The following LHFPL3 variants were observed in gnomAD, a reference collection of about 807,000 sequenced individuals.
LHFPL3 encodes the protein LHFPL tetraspan subfamily member 3, also known as LHFPL tetraspan subfamily member 3 protein.
A neutral mutation model predicts 19.3 loss-of-function variants in LHFPL3; 5 were observed. That is an observed-to-expected ratio of 0.26 (90% CI 0.14 to 0.54). The LOEUF is 0.54. Ranked by LOEUF, LHFPL3 falls within the 20% of genes least tolerant of loss-of-function variation. LHFPL3 has a pLI of 0.94. For synonymous variants in LHFPL3, 133 were observed against 126.2 expected (o/e 1.05, Z -0.36); for missense variants, 249 against 307.4 (o/e 0.81, Z 1.42).
At chr7:104,873,014 T>C (rs1033918064) in intron 2 of LHFPL3, among the ~76,000 whole-genome samples, 1 of 152,256 alleles carries the variant, frequency 6.6e-6, no homozygotes, top group Non-Finnish European at 1.5e-5. Context: ...GGAGGTAATG[T>C]GTTGTGCTAA....
chr7:104,352,384 A>G (rs1228928830), intron 1 of LHFPL3, among the ~76,000 whole-genome samples: 4 of 152,190 alleles, frequency 2.6e-5, no homozygotes, highest in Non-Finnish European at 2.9e-5. Context: ...AGTATGTAAT[A>G]AGAACTTCAT....
In LHFPL3 at chr7:104,329,208, G is replaced by C; in HGVS notation, c.429G>C (p.Trp143Cys). 6.2e-7 allele frequency: 1 copy of C among 1,608,328 alleles called. No individual in the cohort carries two copies. Among genetic ancestry groups the C allele is most frequent in the Non-Finnish European group, 8.5e-7 (1 of 1,175,630 alleles). The part of the protein sequence containing the change: ...NTATVYKICA[W>C]MQLTSAACLV... ...CCACTGTGTACAAGATATGTGCCTG[G>C]ATGCAGCTCACCTCCGGTGAGTGCG... Residue 143 changes from tryptophan to cysteine, a missense_variant, in exon 1 of 3, where the codon TGG becomes TGC. Physicochemically the swap from Trp to Cys is radical, Grantham distance 215. Coordinates refer to ENST00000424859, the MANE Select transcript of LHFPL3 (RefSeq NM_199000.3).
At chr7:104,444,781 G>A (rs1792295719) in intron 1 of LHFPL3, among the ~76,000 whole-genome samples, 1 of 152,098 alleles carries the variant, frequency 6.6e-6, no homozygotes, top group African/African-American at 2.4e-5. Context: ...CTGAGGTCGG[G>A]AGTTCGAGAC....
intron 1 of LHFPL3, among the ~76,000 whole-genome samples, chr7:104,580,646 C>A (rs1790442867): frequency 6.6e-6 from 1 of 152,036 alleles, no homozygotes; most frequent in African/African-American, 2.4e-5. Flanking sequence ...ACTCAAACAT[C>A]TATAAAGATA....
chr7:104,338,093 C>CTTTTTTTTTTTTTTTTTTT (rs71296520), intron 1 of LHFPL3, among the ~76,000 whole-genome samples: 1 of 85,846 alleles, frequency 1.2e-5, no homozygotes, highest in African/African-American at 4.7e-5. Context: ...TTTCCTTTTT[C>CTTTTTTTTTTTTTTTTTTT]TTTTTTTTTT....
intron 1 of LHFPL3, among the ~76,000 whole-genome samples, chr7:104,665,911 C>T (rs932590415): frequency 6.6e-6 from 1 of 152,102 alleles, no homozygotes; most frequent in African/African-American, 2.4e-5. Flanking sequence ...TCTTCTGTCT[C>T]TTACTACGCA....
intron 1 of LHFPL3, among the ~76,000 whole-genome samples, chr7:104,337,104 A>G (rs1228647211): frequency 6.6e-6 from 1 of 152,108 alleles, no homozygotes; most frequent in Admixed American, 6.6e-5. Flanking sequence ...GTTTCAGGGC[A>G]GATCAAGAGT....
At chr7:104,752,585 G>A (rs1473265694) in intron 2 of LHFPL3, 3 of 259,064 alleles carry the variant, frequency 1.2e-5, no homozygotes, top group Non-Finnish European at 2.1e-5. Flanking sequence ...TAGATTTTTT[G>A]TAGATACTTT....
chr7:104,770,660 G>C (rs1171419696), intron 2 of LHFPL3, among the ~76,000 whole-genome samples: 1 of 152,086 alleles, frequency 6.6e-6, no homozygotes, highest in Non-Finnish European at 1.5e-5. Flanking sequence ...CACCCATTGT[G>C]GACATCAGTA....
rs369157799 is a variant in LHFPL3, at chr7:104,847,966, G to A, written c.683-58221G>A. On this transcript the variant is annotated intron_variant, in intron 2 of 2. Coordinates refer to ENST00000424859, the MANE Select transcript of LHFPL3 (RefSeq NM_199000.3). Reference sequence around the variant, plus strand: ...CCTTCCCTGAATCTGACACTGATTCGAAATCTGGTGGGAGGAGCAGGACAG... The same window carrying A: ...CCTTCCCTGAATCTGACACTGATTCAAAATCTGGTGGGAGGAGCAGGACAG... Among the ~76,000 whole-genome samples the A allele has an allele frequency of 2.7e-3, 413 of 152,298 alleles. 3 individuals carry two copies. Among genetic ancestry groups the A allele is most frequent in the Non-Finnish European group, 4.5e-3 (309 of 68,036 alleles).
chr7:104,879,559 A>C, intron 2 of LHFPL3, among the ~76,000 whole-genome samples: 1 of 152,192 alleles, frequency 6.6e-6, no homozygotes, highest in Non-Finnish European at 1.5e-5. Context: ...ATCTCCACAA[A>C]ATAAAATTTT....
At chr7:104,627,925 C>A (rs973266738) in intron 1 of LHFPL3, among the ~76,000 whole-genome samples, 15 of 152,232 alleles carry the variant, frequency 9.9e-5, no homozygotes, top group African/African-American at 3.4e-4. Flanking sequence ...CTAACATTCT[C>A]ACCCTGCAGT....
intron 1 of LHFPL3, among the ~76,000 whole-genome samples, chr7:104,545,824 A>C (rs147847890): frequency 6.6e-6 from 1 of 152,346 alleles, no homozygotes; most frequent in South Asian, 2.1e-4. Context: ...AAACTGCTCT[A>C]TCAGTCTTCA....
chr7:104,696,611 G>A (rs1245794312), intron 1 of LHFPL3, among the ~76,000 whole-genome samples: 1 of 152,078 alleles, frequency 6.6e-6, no homozygotes, highest in Non-Finnish European at 1.5e-5. Context: ...AAGTGTAAGT[G>A]CCTGCCTGAC....
intron 1 of LHFPL3, among the ~76,000 whole-genome samples, chr7:104,384,153 G>T (rs1183860366): frequency 2.0e-5 from 3 of 152,114 alleles, no homozygotes; most frequent in African/African-American, 7.2e-5. Context: ...AACTACTGGG[G>T]GTGCTGAGTA....
chr7:104,413,999 G>C (rs1791576793), intron 1 of LHFPL3, among the ~76,000 whole-genome samples: 1 of 151,742 alleles, frequency 6.6e-6, no homozygotes, highest in Admixed American at 6.6e-5. Flanking sequence ...GAAAAGGCAG[G>C]GTTTTTAAAA....
chr7:104,877,033 A>G (rs980186623), intron 2 of LHFPL3, among the ~76,000 whole-genome samples: 1 of 152,192 alleles, frequency 6.6e-6, no homozygotes, highest in African/African-American at 2.4e-5. Flanking sequence ...AGGACAAAAA[A>G]CCAAACACCA....
rs78552933 is a variant in LHFPL3, at chr7:104,725,809, T to C, written c.446-10866T>C. Reference sequence around the variant, plus strand: ...GCTTACGCCTGTAATCCCAGCACTTTGGGAGGCCAAAAATGGCGGATCACG... The same window carrying C: ...GCTTACGCCTGTAATCCCAGCACTTCGGGAGGCCAAAAATGGCGGATCACG... On this transcript the variant is annotated intron_variant, in intron 1 of 2. Transcript: ENST00000424859. Among the ~76,000 whole-genome samples, 704 of 152,250 alleles carry C rather than the reference T, an allele frequency of 4.6e-3. 31 individuals are homozygous for C. In the East Asian group the frequency reaches 0.1, roughly 22 times the overall value.
chr7:104,830,621 T>C (rs957689005), intron 2 of LHFPL3, among the ~76,000 whole-genome samples: 7 of 151,992 alleles, frequency 4.6e-5, no homozygotes, highest in Non-Finnish European at 8.8e-5. Context: ...TTTCTCAGGT[T>C]TGTCAAAGAT....
Sources: gnomAD v4.1 joint callset for allele counts (sites outside exome capture counted in the v4.1 genomes callset) on GRCh38, gnomAD v4.1.1 for gene constraint, MANE v1.5 for transcripts, NCBI Gene and HGNC (gene_info 2026-07-23, HGNC 2026-07-21) for gene names.